The following XRCC3 variants were observed in gnomAD, a reference collection of about 807,000 sequenced individuals.
XRCC3 encodes X-ray repair cross complementing 3, also known as DNA repair protein XRCC3.
XRCC3 carries 34 observed loss-of-function variants against 29.2 expected under a neutral mutation model. That is an observed-to-expected ratio of 1.16 (90% CI 0.88 to 1.55). XRCC3 has a LOEUF of 1.55. Ranked by LOEUF, XRCC3 falls within the 40% of genes most tolerant of loss-of-function variation. The pLI, the probability that XRCC3 is intolerant of heterozygous loss-of-function variation, is 0.00. For synonymous variants in XRCC3, 223 were observed against 211.3 expected (o/e 1.06, Z -0.48); for missense variants, 463 against 467.6 (o/e 0.99, Z 0.09).
At chr14:103,712,754 G>A (rs1480145085) in intron 2 of XRCC3, 121 bp downstream of exon 2, 1 of 152,398 alleles carries the variant, frequency 6.6e-6, no homozygotes, top group Admixed American at 6.5e-5. Context: ...GTCAAGCAGC[G>A]GGACGCTGGC....
chr14:103,706,530 A>G, intron 6 of XRCC3: 8 of 409,370 alleles, frequency 2.0e-5, no homozygotes, highest in South Asian at 1.5e-4. Context: ...CCAGGCAGGC[A>G]TGCTCTGAAC....
In XRCC3 at chr14:103,698,828, C is replaced by CA. The variant is rs745775675; in HGVS notation, c.1010dup (p.Arg338AlafsTer21). Reference sequence around the variant, plus strand: ...GGGACTGGGTCCCAGGTGTCCCTCGCACCCCTTCGGCACTGATCGTGTAGG... The same window carrying CA: ...GGGACTGGGTCCCAGGTGTCCCTCGCAACCCCTTCGGCACTGATCGTGTAGG... On this transcript the variant is annotated frameshift_variant, in exon 10 of 10. Coordinates refer to ENST00000555055, the MANE Select transcript of XRCC3 (RefSeq NM_005432.4). LOFTEE classifies it high-confidence loss of function. 10 of 1,605,362 alleles carry CA rather than the reference C, an allele frequency of 6.2e-6. No individual in the cohort carries two copies. The highest frequency in any genetic ancestry group is 8.5e-6 in the Non-Finnish European group (10 of 1,176,672).
chr14:103,714,976 G>A (rs1205106994), intron 1 of XRCC3, among the ~76,000 whole-genome samples: 2 of 152,332 alleles, frequency 1.3e-5, no homozygotes, highest in Admixed American at 6.5e-5. Context: ...GAGCCACCGC[G>A]CCCGGCCTAA....
chr14:103,699,474 C>T lies in XRCC3; in HGVS notation c.664G>A (p.Glu222Lys), dbSNP rs768891111. Residue 222 changes from glutamate to lysine, a missense_variant, in exon 8 of 10, where the codon GAA (glutamate) becomes AAA (lysine). Physicochemically the swap from Glu to Lys is moderately conservative, Grantham distance 56. Coordinates refer to ENST00000555055, the MANE Select transcript of XRCC3 (RefSeq NM_005432.4). ...GGGGCGGAGGCCTGGCTGTCAAATT[C>T]ACAGCGGAATGGGGCTGCCACCGAG... Reference protein sequence around the residue: ...IDSVAAPFRCEFDSQASAPRA... With the variant: ...IDSVAAPFRCKFDSQASAPRA... The T allele has an allele frequency of 6.2e-7, 1 of 1,612,850 alleles. No individual in the cohort carries two copies. Among genetic ancestry groups the T allele is most frequent in the South Asian group, 1.1e-5 (1 of 91,056 alleles).
chr14:103,703,660 C>T, intron 6 of XRCC3: 1 of 391,292 alleles, frequency 2.6e-6, no homozygotes. Context: ...CCCTGTGAAC[C>T]TCCGTTCCCC....
intron 5 of XRCC3, chr14:103,707,677 T>A (rs1339397045): frequency 4.0e-6 from 1 of 251,976 alleles, no homozygotes; most frequent in Non-Finnish European, 7.9e-6. Flanking sequence ...GATACCATTC[T>A]GGAGCAATGC....
At chr14:103,709,218 C>T (rs1009470018) in intron 4 of XRCC3, 5 of 195,102 alleles carry the variant, frequency 2.6e-5, no homozygotes, top group African/African-American at 4.7e-5. Flanking sequence ...ATCAGAACGG[C>T]GGTGGCAGCA....
intron 7 of XRCC3, chr14:103,702,784 G>A (rs1216539128): frequency 7.0e-6 from 2 of 287,152 alleles, no homozygotes; most frequent in Non-Finnish European, 1.4e-5. Flanking sequence ...GCCCATCTGT[G>A]CACGTCCTCA....
intron 6 of XRCC3, chr14:103,703,920 G>A (rs1036383607): frequency 6.8e-5 from 11 of 162,518 alleles, no homozygotes; most frequent in African/African-American, 2.2e-4. Flanking sequence ...GGTGCAGCTC[G>A]GAAAACAATC....
chr14:103,710,852 GAACA>G (rs2083600831), intron 4 of XRCC3, 177 bp downstream of exon 4: 2 of 378,066 alleles, frequency 5.3e-6, no homozygotes, highest in African/African-American at 1.0e-4. Context: ...ATGTAGTTAA[GAACA>G]CACACACACA....
chr14:103,707,305 C>CA, intron 5 of XRCC3, 90 bp from the exon 6 acceptor site: 1 of 1,482,832 alleles, frequency 6.7e-7, no homozygotes, highest in South Asian at 1.2e-5. Flanking sequence ...CTGCCTGTGC[C>CA]AGGTGCAGTG....
At chr14:103,707,242 T>C (rs2151938437) in intron 5 of XRCC3, 27 bp from the exon 6 acceptor site, 1 of 1,547,850 alleles carries the variant, frequency 6.5e-7, no homozygotes, top group Non-Finnish European at 8.7e-7. Context: ...GTGTCAGGCC[T>C]GACTCTCCTG....
At position 103,698,681 on chromosome 14, in the gene XRCC3, G is replaced by C; in HGVS notation, c.*117C>G. ...AGAAAGTGGAGCCGCTGCCCTGGAA[G>C]AGCTGTGTCTGAACCAGGCTCCCAG... On this transcript the variant is annotated 3_prime_UTR_variant, in exon 10 of 10. Coordinates refer to ENST00000555055, the MANE Select transcript of XRCC3 (RefSeq NM_005432.4). 1 of 912,918 alleles carries C rather than the reference G, an allele frequency of 1.1e-6. No individual in the cohort carries two copies. Among genetic ancestry groups the C allele is most frequent in the South Asian group, 1.4e-5 (1 of 69,096 alleles). 56.6% of individuals were successfully genotyped at this position (912,918 alleles called of 1,614,324 possible).
At position 103,711,214 on chromosome 14, in the gene XRCC3, G is replaced by C; in HGVS notation, c.-127C>G. 1.0e-6 allele frequency: 1 copy of C among 996,890 alleles called. No individual in the cohort carries two copies. The highest frequency in any genetic ancestry group is 1.6e-6 in the Non-Finnish European group (1 of 639,132). The allele number at this position is 996,890 out of a possible 1,614,324, so 61.8% of individuals were successfully genotyped here. On this transcript the variant is annotated 5_prime_UTR_variant, in exon 4 of 10. Transcript: ENST00000555055. ...GGCCCGAACCAGGGAAGTGACAGCA[G>C]CCGAGGTGTCCGTGTCATCGGGGCT...
Position 103,699,179 on chromosome 14 carries a change from C to T in XRCC3, c.775G>A (p.Val259Met). ...FQSPVLCINQ[V>M]TEAMEEQGAA... ...CCCTGCTCCTCCATGGCCTCTGTCA[C>T]CTGGAAGAGCACAGTCCAGGTCAGC... The change falls in exon 9 of 10, where the codon GTG (valine) becomes ATG (methionine). Residue 259 changes from valine to methionine, a missense_variant and splice_region_variant. By Grantham distance (21) the Val-to-Met change is conservative (BLOSUM62 1). Transcript: ENST00000555055. 2 of 1,562,366 alleles carry T rather than the reference C, an allele frequency of 1.3e-6. No individual in the cohort carries two copies. The highest frequency in any genetic ancestry group is 1.7e-6 in the Non-Finnish European group (2 of 1,157,372).
Position 103,698,846 on chromosome 14 carries a change from C to A in XRCC3, c.993G>T (p.Thr331=). ...TCCCTCGCACCCCTTCGGCACTGAT[C>A]GTGTAGGAACAGGAGGAGGGGGGCA... ...PHLPPSSCSY[T]ISAEGVRGTP... The change falls in exon 10 of 10, where the codon ACG becomes ACT. Residue 331 remains threonine (T), a synonymous_variant. Transcript: ENST00000555055. 1 of 1,607,316 alleles carries A rather than the reference C, an allele frequency of 6.2e-7. No homozygotes were observed.
chr14:103,706,512 T>C (rs2151937252), intron 6 of XRCC3: 3 of 416,602 alleles, frequency 7.2e-6, no homozygotes, highest in African/African-American at 2.0e-5. Flanking sequence ...TTTTAACACC[T>C]GAGAGACCCA....
rs1295517102 is a variant in XRCC3 at position 103,706,926 on chromosome 14, AC to A, written c.406+76del. ...CAGCGCAAGAGGCGGCCACTGCCCC[AC>A]CTCAACGGAAAGCTGTCCCACACAA... On this transcript the variant is annotated intron_variant, in intron 6 of 9. Transcript: ENST00000555055. 3 of 1,466,730 alleles carry A rather than the reference AC, an allele frequency of 2.0e-6. No individual in the cohort carries two copies. In the African/African-American group the frequency reaches 4.2e-5, roughly 20 times the overall value. The allele number at this position is 1,466,730 out of a possible 1,614,324, so 90.9% of individuals were successfully genotyped here. A position where few individuals can be genotyped will look rare whatever the true frequency, so the allele number is the denominator to read the frequency against.
chr14:103,699,475 A>G lies in XRCC3; in HGVS notation c.663T>C (p.Cys221=), dbSNP rs2082921397. The change falls in exon 8 of 10, where the codon TGT becomes TGC. Residue 221 remains cysteine (C), a synonymous_variant. Transcript: ENST00000555055. ...GGGCGGAGGCCTGGCTGTCAAATTC[A>G]CAGCGGAATGGGGCTGCCACCGAGT... The part of the protein sequence containing the change: ...VIDSVAAPFR[C]EFDSQASAPR... 4 of 1,612,248 alleles carry G rather than the reference A, an allele frequency of 2.5e-6. No homozygotes were observed. In the East Asian group the frequency reaches 8.9e-5, roughly 36 times the overall value.
Sources: gnomAD v4.1 joint callset for allele counts (sites outside exome capture counted in the v4.1 genomes callset) on GRCh38, gnomAD v4.1.1 for gene constraint, MANE v1.5 for transcripts, NCBI Gene and HGNC (gene_info 2026-07-23, HGNC 2026-07-21) for gene names.